EDEM1: variants seen among roughly 807,000 people sequenced by gnomAD.
EDEM1 encodes ER degradation-enhancing alpha-mannosidase-like protein 1.
EDEM1 carries 67 observed loss-of-function variants against 74.4 expected under a neutral mutation model. That is an observed-to-expected ratio of 0.90 (90% CI 0.74 to 1.10). The LOEUF is 1.10. EDEM1 is among the 50% of genes least tolerant of loss of function. The pLI, the probability that EDEM1 is intolerant of heterozygous loss-of-function variation, is 0.00. For synonymous variants in EDEM1, 382 were observed against 335.9 expected (o/e 1.14, Z -1.50); for missense variants, 926 against 851.6 (o/e 1.09, Z -1.09).
intron 10 of EDEM1, chr3:5,211,501 C>T (rs1174862386): frequency 1.8e-5 from 6 of 341,554 alleles, no homozygotes; most frequent in Non-Finnish European, 3.4e-5. Flanking sequence ...AGTTCTGTAT[C>T]TAACTACAGG....
At chr3:5,198,513 A>C (rs932706680) in intron 2 of EDEM1, among the ~76,000 whole-genome samples, 1 of 152,190 alleles carries the variant, frequency 6.6e-6, no homozygotes, top group Non-Finnish European at 1.5e-5. Context: ...GAGCAGAGGG[A>C]TGACTGAGTT....
At chr3:5,211,097 C>A in intron 9 of EDEM1, 23 bp from the exon 10 acceptor site, 4 of 1,611,342 alleles carry the variant, frequency 2.5e-6, no homozygotes, top group Non-Finnish European at 2.5e-6. Context: ...AGAGGCAGGA[C>A]TGACCAGATG....
chr3:5,208,765 A>T (rs930519162), intron 8 of EDEM1, among the ~76,000 whole-genome samples: 14 of 150,018 alleles, frequency 9.3e-5, no homozygotes, highest in Admixed American at 8.6e-4. Context: ...GTGTGTATAT[A>T]TATATACACA....
chr3:5,188,471 G>A, intron 1 of EDEM1, 157 bp downstream of exon 1: 1 of 813,626 alleles, frequency 1.2e-6, no homozygotes, highest in Non-Finnish European at 1.7e-6. Context: ...GAGTCCCTGT[G>A]AAGACCCCCG....
At chr3:5,194,508 G>A (rs2106588937) in intron 1 of EDEM1, among the ~76,000 whole-genome samples, 1 of 152,298 alleles carries the variant, frequency 6.6e-6, no homozygotes, top group African/African-American at 2.4e-5. Flanking sequence ...GTTTCTTAAG[G>A]TTGTTTCAGA....
rs531927619 is a variant in EDEM1, at chr3:5,205,037, G to T, written c.1043-30G>T. On this transcript the variant is annotated intron_variant, in intron 5 of 11. Transcript: ENST00000256497. ...CATGTCCTCCCCGATGAGACAGCTGGGACCTCAAGTGCCTTGTTTATTTTT... is the reference window on the plus strand; with the variant it reads ...CATGTCCTCCCCGATGAGACAGCTGTGACCTCAAGTGCCTTGTTTATTTTT... 8.7e-6 allele frequency: 14 copies of T among 1,609,862 alleles called. No homozygotes were observed. The Admixed American group carries it at 2.0e-4, about 23-fold the overall frequency.
At chr3:5,190,614 G>A (rs1351069608) in intron 1 of EDEM1, among the ~76,000 whole-genome samples, 1 of 152,196 alleles carries the variant, frequency 6.6e-6, no homozygotes, top group East Asian at 1.9e-4. Context: ...TTATGCGTAA[G>A]TTAAGGTCAG....
chr3:5,202,396 G>A lies in EDEM1; in HGVS notation c.858+472G>A, dbSNP rs139076327. On this transcript the variant is annotated intron_variant, in intron 4 of 11. Transcript: ENST00000256497. The stretch of plus-strand genomic sequence containing the variant: ...CAGCAAGTTAGCTGCTGATTTAAAT[G>A]CCAGGATCTGGAATTAGATTATATA... 6.6e-5 allele frequency among the ~76,000 whole-genome samples: 10 copies of A among 152,334 alleles called. No individual in the cohort carries two copies. In the East Asian group the frequency reaches 1.7e-3, roughly 26 times the overall value.
At chr3:5,188,457 G>A in intron 1 of EDEM1, 143 bp downstream of exon 1, 1 of 966,792 alleles carries the variant, frequency 1.0e-6, no homozygotes, top group Non-Finnish European at 1.4e-6. Flanking sequence ...GCCCTGTCCC[G>A]TGTGAGTCCC....
At chr3:5,194,250 A>G (rs1025840981) in intron 1 of EDEM1, among the ~76,000 whole-genome samples, 5 of 152,204 alleles carry the variant, frequency 3.3e-5, no homozygotes, top group African/African-American at 9.7e-5. Context: ...AAAATCTTTA[A>G]ACAGTTGTCT....
At chr3:5,188,650 C>G (rs1575581476) in intron 1 of EDEM1, among the ~76,000 whole-genome samples, 1 of 152,348 alleles carries the variant, frequency 6.6e-6, no homozygotes, top group African/African-American at 2.4e-5. Context: ...CTTTCCACTT[C>G]CATCCGACCC....
intron 1 of EDEM1, among the ~76,000 whole-genome samples, chr3:5,190,107 T>A (rs969261930): frequency 6.6e-6 from 1 of 152,110 alleles, no homozygotes; most frequent in African/African-American, 2.4e-5. Flanking sequence ...GTTTGAAAAA[T>A]ATCATAAAAT....
chr3:5,190,113 A>G (rs1016567929), intron 1 of EDEM1, among the ~76,000 whole-genome samples: 2 of 152,200 alleles, frequency 1.3e-5, no homozygotes, highest in Non-Finnish European at 2.9e-5. Context: ...AAAATATCAT[A>G]AAATCCCACC....
intron 5 of EDEM1, among the ~76,000 whole-genome samples, chr3:5,204,634 C>T (rs1559297641): frequency 6.6e-6 from 1 of 152,134 alleles, no homozygotes; most frequent in African/African-American, 2.4e-5. Context: ...TCAAGCGATC[C>T]ACCTGCCTCG....
In EDEM1 at chr3:5,217,688, A is replaced by G. The variant is rs529210729; in HGVS notation, c.*1770A>G. 2 of 152,506 alleles carry G rather than the reference A, an allele frequency of 1.3e-5. No individual in the cohort carries two copies. The highest frequency in any genetic ancestry group is 1.9e-4 in the East Asian group (1 of 5,190). 9.4% of individuals were successfully genotyped at this position (152,506 alleles called of 1,614,324 possible). A position where few individuals can be genotyped will look rare whatever the true frequency, so the allele number is the denominator to read the frequency against. The stretch of plus-strand genomic sequence containing the variant: ...TCTATTTTACCTTTTTTCATTTCAG[A>G]AGCATTATTCTGTTTATTAACAGTG... On this transcript the variant is annotated 3_prime_UTR_variant, in exon 12 of 12. Coordinates refer to ENST00000256497, the MANE Select transcript of EDEM1 (RefSeq NM_014674.3).
rs2055230072 is a variant in EDEM1, at chr3:5,215,974, A to G, written c.*56A>G. On this transcript the variant is annotated 3_prime_UTR_variant, in exon 12 of 12. Transcript: ENST00000256497. ...AGACCTTAACGACCAAACCCAGACCATGCCAAAGTCCAGTCTGAAATGAAA... is the reference window on the plus strand; with the variant it reads ...AGACCTTAACGACCAAACCCAGACCGTGCCAAAGTCCAGTCTGAAATGAAA... 4.1e-6 allele frequency: 6 copies of G among 1,456,884 alleles called. No individual in the cohort carries two copies. The highest frequency in any genetic ancestry group is 4.8e-6 in the Non-Finnish European group (5 of 1,051,668). 90.2% of individuals were successfully genotyped at this position (1,456,884 alleles called of 1,614,324 possible).
Position 5,201,934 on chromosome 3 carries a change from C to G in EDEM1, c.858+10C>G, listed in dbSNP as rs201917663. Reference sequence around the variant, plus strand: ...GATTCCATATCCTCGGGTGGGTAGACTGGTTTGACCCTTTGTGTTTGACAA... The same window carrying G: ...GATTCCATATCCTCGGGTGGGTAGAGTGGTTTGACCCTTTGTGTTTGACAA... On this transcript the variant is annotated intron_variant, in intron 4 of 11. Coordinates refer to ENST00000256497, the MANE Select transcript of EDEM1 (RefSeq NM_014674.3). The G allele has an allele frequency of 6.2e-7, 1 of 1,604,362 alleles. No homozygotes were observed. Among genetic ancestry groups the G allele is most frequent in the East Asian group, 2.2e-5 (1 of 44,806 alleles).
At chr3:5,199,807 G>A in intron 3 of EDEM1, 112 bp downstream of exon 3, 1 of 707,564 alleles carries the variant, frequency 1.4e-6, no homozygotes, top group South Asian at 1.9e-5. Context: ...GAGTCCATAT[G>A]GGCTTTATGG....
chr3:5,188,183 G>A lies in EDEM1; in HGVS notation c.378G>A (p.Leu126=), dbSNP rs749825591. 2 of 1,569,470 alleles carry A rather than the reference G, an allele frequency of 1.3e-6. No individual in the cohort carries two copies. Among genetic ancestry groups the A allele is most frequent in the Middle Eastern group, 1.7e-4 (1 of 5,994 alleles). The part of the protein sequence containing the change: ...KRYSGAFPPQ[L]RAQMRDLARG... ...ACAGCGGCGCCTTCCCTCCGCAGCT[G>A]CGTGCCCAGATGCGCGACCTGGCAC... is the stretch of plus-strand genomic sequence containing the variant. Residue 126 remains leucine (L), a synonymous_variant, in exon 1 of 12, where the codon CTG becomes CTA. Coordinates refer to ENST00000256497, the MANE Select transcript of EDEM1 (RefSeq NM_014674.3).
Sources: allele counts gnomAD v4.1 joint callset (sites outside exome capture counted in the v4.1 genomes callset), GRCh38; gene constraint gnomAD v4.1.1; transcripts MANE v1.5; gene names NCBI Gene and HGNC (gene_info 2026-07-23, HGNC 2026-07-21).